ABCG2: variants seen among roughly 807,000 people sequenced by gnomAD.
ABCG2 encodes broad substrate specificity ATP-binding cassette transporter ABCG2.
ABCG2 carries 80 observed loss-of-function variants against 73.5 expected under a neutral mutation model. The ratio of observed to expected loss-of-function variants is 1.09; its 90% CI spans 0.91 to 1.31. The LOEUF (loss-of-function observed/expected upper bound fraction) is 1.31. ABCG2 is among the 50% of genes most tolerant of loss of function. ABCG2 has a pLI of 0.00. For missense variants in ABCG2, 796 were observed against 786.2 expected (o/e 1.01, Z -0.15); for synonymous variants, 269 against 282.4 (o/e 0.95, Z 0.48).
intron 1 of ABCG2, among the ~76,000 whole-genome samples, chr4:88,158,036 C>A (rs1345513322): frequency 1.3e-5 from 2 of 152,154 alleles, no homozygotes; most frequent in African/African-American, 4.8e-5. Context: ...ATATTAACAT[C>A]AACAAATGTT....
chr4:88,144,450 T>TA (rs1725840344), intron 1 of ABCG2, among the ~76,000 whole-genome samples: 3 of 3,246 alleles, frequency 9.2e-4, no homozygotes, highest in Non-Finnish European at 2.6e-3. Flanking sequence ...ACATTTTTAC[T>TA]TTTTTTTTTT....
intron 4 of ABCG2, 98 bp from the exon 5 acceptor site, chr4:88,131,311 T>C (rs1724858635): frequency 7.0e-6 from 9 of 1,287,078 alleles, no homozygotes; most frequent in Non-Finnish European, 3.2e-6. Context: ...AAAGATAACA[T>C]AACTAAGGTA....
At chr4:88,147,858 C>A (rs1726159860) in intron 1 of ABCG2, among the ~76,000 whole-genome samples, 1 of 152,086 alleles carries the variant, frequency 6.6e-6, no homozygotes, top group African/African-American at 2.4e-5. Context: ...AGCACAAATC[C>A]GAAGCAAACC....
intron 1 of ABCG2, among the ~76,000 whole-genome samples, chr4:88,146,820 G>T (rs1054600047): frequency 6.6e-6 from 1 of 151,384 alleles, no homozygotes; most frequent in Admixed American, 6.6e-5. Context: ...GCAGTGAATC[G>T]TGATTGTGCC....
chr4:88,228,502 G>A (rs1730318137), intron 1 of ABCG2, among the ~76,000 whole-genome samples: 1 of 152,216 alleles, frequency 6.6e-6, no homozygotes, highest in South Asian at 2.1e-4. Context: ...TTACAACTGT[G>A]TTGTATTCTG....
At chr4:88,152,566 G>C (rs545651007) in intron 1 of ABCG2, among the ~76,000 whole-genome samples, 68 of 152,266 alleles carry the variant, frequency 4.5e-4, no homozygotes, top group African/African-American at 1.6e-3. Flanking sequence ...TGAGCCAGGA[G>C]AAGGAATTTC....
At position 88,131,624 on chromosome 4, in the gene ABCG2, C is replaced by G. The variant is rs540806239; in HGVS notation, c.378+179G>C. ...TCACTGTCCTTACAAGGGCCATATTCCAGATTCTCCCTGCCTTTTCACATA... is the reference window on the plus strand; with the variant it reads ...TCACTGTCCTTACAAGGGCCATATTGCAGATTCTCCCTGCCTTTTCACATA... On this transcript the variant is annotated intron_variant, in intron 4 of 15. Coordinates refer to ENST00000237612, the MANE Select transcript of ABCG2 (RefSeq NM_004827.3). Among the ~76,000 whole-genome samples, 7 of 152,300 alleles carry G rather than the reference C, an allele frequency of 4.6e-5. No homozygotes were observed. In the South Asian group the frequency reaches 1.5e-3, roughly 32 times the overall value.
intron 1 of ABCG2, among the ~76,000 whole-genome samples, chr4:88,217,817 T>C (rs746281178): frequency 2.6e-5 from 4 of 151,942 alleles, no homozygotes; most frequent in Admixed American, 6.6e-5. Flanking sequence ...AAATAAAATA[T>C]TAGCAGTGCA....
At chr4:88,197,700 G>T (rs888131207) in intron 1 of ABCG2, among the ~76,000 whole-genome samples, 19 of 152,016 alleles carry the variant, frequency 1.2e-4, no homozygotes, top group Admixed American at 4.6e-4. Flanking sequence ...AGCTACTTGG[G>T]AGACTGAGGC....
intron 9 of ABCG2, among the ~76,000 whole-genome samples, chr4:88,110,580 G>A (rs952658759): frequency 2.0e-5 from 3 of 152,094 alleles, no homozygotes; most frequent in African/African-American, 7.2e-5. Context: ...TGCCCAAGCT[G>A]TTCTCACACT....
chr4:88,197,296 A>C (rs1184334015), intron 1 of ABCG2, among the ~76,000 whole-genome samples: 1 of 152,144 alleles, frequency 6.6e-6, no homozygotes, highest in Non-Finnish European at 1.5e-5. Context: ...TAGAATTATC[A>C]GAGTGGGAAT....
intron 1 of ABCG2, among the ~76,000 whole-genome samples, chr4:88,167,716 C>A (rs967428766): frequency 2.6e-5 from 4 of 151,994 alleles, no homozygotes; most frequent in Admixed American, 1.3e-4. Context: ...TAAATCAGGC[C>A]CACCTTTACA....
At chr4:88,203,521 C>T (rs368214256) in intron 1 of ABCG2, among the ~76,000 whole-genome samples, 122 of 152,154 alleles carry the variant, frequency 8.0e-4, no homozygotes, top group Middle Eastern at 3.4e-3. Flanking sequence ...CTTTAATCCC[C>T]GCAGTTTGGG....
intron 5 of ABCG2, among the ~76,000 whole-genome samples, chr4:88,127,769 G>T (rs890904287): frequency 6.6e-6 from 1 of 151,720 alleles, no homozygotes; most frequent in Admixed American, 6.6e-5. Context: ...ACTCAAGATG[G>T]ATTAAAGACT....
chr4:88,145,272 G>C (rs1361671566), intron 1 of ABCG2, among the ~76,000 whole-genome samples: 1 of 152,216 alleles, frequency 6.6e-6, no homozygotes, highest in Non-Finnish European at 1.5e-5. Flanking sequence ...CAGTGGAAAG[G>C]AAAAGGAACA....
intron 1 of ABCG2, among the ~76,000 whole-genome samples, chr4:88,193,052 C>T (rs545036670): frequency 5.3e-5 from 8 of 152,028 alleles, no homozygotes; most frequent in Admixed American, 2.6e-4. Context: ...ACAATGTGCC[C>T]TTTCAAAATA....
At chr4:88,158,237 A>C in intron 1 of ABCG2, 149 bp downstream of exon 1, 1 of 323,120 alleles carries the variant, frequency 3.1e-6, no homozygotes, top group South Asian at 2.5e-5. Context: ...TTTAAACTGC[A>C]TACCCACTTT....
chr4:88,139,873 G>A lies in ABCG2; in HGVS notation c.123C>T (p.Asn41=). The change falls in exon 2 of 16, where the codon AAC becomes AAT. Residue 41 remains asparagine (N), a synonymous_variant. Coordinates refer to ENST00000237612, the MANE Select transcript of ABCG2 (RefSeq NM_004827.3). ...FTEGAVLSFH[N]ICYRVKLKSG... is the part of the protein sequence containing the mutation. ...TCTTCAGTTTTACTCGATAGCAGAT[G>A]TTATGAAAACTTAACACAGCTCCTT... 6.2e-7 allele frequency: 1 copy of A among 1,614,186 alleles called. No homozygotes were observed. The highest frequency in any genetic ancestry group is 8.5e-7 in the Non-Finnish European group (1 of 1,180,034).
rs896279945 is a variant in ABCG2, at chr4:88,158,593, C to T, written c.-227G>A. ...AAATCCTACCCAGTTCCTCCACAGG[C>T]TGCCTCCTTGCCGCGTCTCTCAATC... On this transcript the variant is annotated 5_prime_UTR_variant, in exon 1 of 16. Transcript: ENST00000237612. 4 of 456,310 alleles carry T rather than the reference C, an allele frequency of 8.8e-6. No individual in the cohort carries two copies. Among genetic ancestry groups the T allele is most frequent in the East Asian group, 7.0e-5 (1 of 14,388 alleles). The allele number at this position is 456,310 out of a possible 1,614,324, so 28.3% of individuals were successfully genotyped here.
Sources: gnomAD v4.1 joint callset for allele counts (sites outside exome capture counted in the v4.1 genomes callset) on GRCh38, gnomAD v4.1.1 for gene constraint, MANE v1.5 for transcripts, NCBI Gene and HGNC (gene_info 2026-07-23, HGNC 2026-07-21) for gene names.